The following TDRP variants were observed in gnomAD, a reference collection of about 807,000 sequenced individuals.
TDRP encodes testis development related protein.
Under a neutral mutation model 10.5 loss-of-function variants are expected in TDRP, and 12 were observed. The observed-to-expected ratio is 1.15, with a 90% CI of 0.73 to 1.86. The LOEUF (loss-of-function observed/expected upper bound fraction) is 1.86, where lower values mean the gene tolerates loss of function less well. Among genes scored for constraint, TDRP ranks in the 40% most tolerant of loss-of-function variants. The pLI is 0.00. For missense variants in TDRP, 353 were observed against 229.2 expected (o/e 1.54, Z -3.49); for synonymous variants, 139 against 95.4 (o/e 1.46, Z -2.67).
intron 1 of TDRP, among the ~76,000 whole-genome samples, chr8:528,821 A>ATGTGTGTATATATG (rs201646249): frequency 6.6e-6 from 1 of 151,674 alleles, no homozygotes; most frequent in Non-Finnish European, 1.5e-5. Flanking sequence ...GTGTGTGTAT[A>ATGTGTGTATATATG]TGTGTGTATA....
intron 1 of TDRP, among the ~76,000 whole-genome samples, chr8:512,483 G>A (rs1437662992): frequency 2.6e-5 from 4 of 151,116 alleles, no homozygotes; most frequent in Admixed American, 2.6e-4. Flanking sequence ...AACTGACCAA[G>A]AAAAAAGAAG....
chr8:508,981 C>T (rs761211670), intron 1 of TDRP, among the ~76,000 whole-genome samples: 1 of 152,232 alleles, frequency 6.6e-6, no homozygotes, highest in African/African-American at 2.4e-5. Flanking sequence ...CCATGCAGGT[C>T]CAAAATCCAG....
At chr8:501,843 G>A (rs1379269488) in intron 1 of TDRP, among the ~76,000 whole-genome samples, 2 of 152,290 alleles carry the variant, frequency 1.3e-5, no homozygotes, top group South Asian at 2.1e-4. Flanking sequence ...CTGCAGTCAT[G>A]GGCCCAGAAA....
At chr8:542,584 G>C (rs531668466) in intron 1 of TDRP, among the ~76,000 whole-genome samples, 1 of 152,222 alleles carries the variant, frequency 6.6e-6, no homozygotes, top group African/African-American at 2.4e-5. Flanking sequence ...CAGATAACAG[G>C]CCAGGCGCGG....
rs1487157583 is a variant in TDRP, at chr8:492,256, T to A, written c.*143A>T. ...AGTCACAGTGTGTGTGAGAGTTCAT[T>A]AAATAAAGAAACAGAGGTCCAAATA... On this transcript the variant is annotated 3_prime_UTR_variant, in exon 3 of 3. Transcript: ENST00000324079. The A allele has an allele frequency of 7.5e-7, 1 of 1,334,206 alleles. No individual in the cohort carries two copies. The highest frequency in any genetic ancestry group is 1.5e-5 in the African/African-American group (1 of 67,258). 82.6% of individuals were successfully genotyped at this position (1,334,206 alleles called of 1,614,324 possible).
chr8:537,769 T>A (rs1445144830), intron 1 of TDRP, among the ~76,000 whole-genome samples: 1 of 152,212 alleles, frequency 6.6e-6, no homozygotes, highest in Admixed American at 6.5e-5. Context: ...TAACTTCAGC[T>A]GTCACCTGAC....
At chr8:500,618 C>T (rs142843875) in intron 1 of TDRP, among the ~76,000 whole-genome samples, 3 of 152,300 alleles carry the variant, frequency 2.0e-5, no homozygotes, top group African/African-American at 7.2e-5. Context: ...GTGTCATTTG[C>T]GTTTTCTCCT....
At chr8:541,536 C>A (rs993702169) in intron 1 of TDRP, among the ~76,000 whole-genome samples, 3 of 152,162 alleles carry the variant, frequency 2.0e-5, no homozygotes, top group African/African-American at 7.2e-5. Flanking sequence ...CCAAAACATA[C>A]AAAGAACTCT....
upstream of TDRP, among the ~76,000 whole-genome samples, chr8:545,207 C>T (rs1308067983): frequency 6.9e-6 from 1 of 144,176 alleles, no homozygotes; most frequent in Non-Finnish European, 1.5e-5. Flanking sequence ...GAACGACGTC[C>T]TCACCCCAGG....
Position 492,540 on chromosome 8 carries a change from G to A in TDRP, c.417C>T (p.Asp139=), listed in dbSNP as rs369222047. Residue 139 remains aspartate (D), a synonymous_variant, in exon 3 of 3, where the codon GAC becomes GAT. Transcript: ENST00000324079. ...GHPSWSGWED[D]AKGSTKYTSL... ...TGGTGTACTTGGTCGAGCCCTTGGC[G>A]TCATCCTCCCAGCCTGACCAGGATG... 72 of 1,611,620 alleles carry A rather than the reference G, an allele frequency of 4.5e-5. No homozygotes were observed. In the African/African-American group the frequency reaches 7.2e-4, roughly 16 times the overall value.
intron 1 of TDRP, among the ~76,000 whole-genome samples, chr8:495,925 G>C (rs564396188): frequency 3.8e-4 from 58 of 152,310 alleles, no homozygotes; most frequent in African/African-American, 1.2e-3. Flanking sequence ...CCATAGGCCA[G>C]ACTCTCAACT....
chr8:542,727 G>A (rs576653800), intron 1 of TDRP, among the ~76,000 whole-genome samples: 1 of 152,106 alleles, frequency 6.6e-6, no homozygotes, highest in South Asian at 2.1e-4. Context: ...GCCAGGCGTG[G>A]TGACACATGC....
intron 1 of TDRP, among the ~76,000 whole-genome samples, chr8:529,487 T>C (rs994350107): frequency 1.3e-5 from 2 of 152,228 alleles, no homozygotes; most frequent in Middle Eastern, 3.2e-3. Context: ...TACTTTTATA[T>C]TGCTATTTAG....
chr8:495,271 G>A (rs1038890497), intron 1 of TDRP, among the ~76,000 whole-genome samples: 1 of 152,074 alleles, frequency 6.6e-6, no homozygotes, highest in Admixed American at 6.5e-5. Flanking sequence ...AAACACATAG[G>A]AGACTGACCT....
At chr8:509,416 G>T (rs1267151303) in intron 1 of TDRP, among the ~76,000 whole-genome samples, 2 of 152,184 alleles carry the variant, frequency 1.3e-5, no homozygotes, top group African/African-American at 2.4e-5. Context: ...CTAGCCAGAG[G>T]TTCTCAAACC....
At chr8:526,032 T>G (rs933995200) in intron 1 of TDRP, among the ~76,000 whole-genome samples, 1 of 152,218 alleles carries the variant, frequency 6.6e-6, no homozygotes, top group Admixed American at 6.5e-5. Flanking sequence ...CTTCACAGGT[T>G]GTATGTATTT....
At chr8:543,079 G>A (rs996812915) in intron 1 of TDRP, among the ~76,000 whole-genome samples, 12 of 152,106 alleles carry the variant, frequency 7.9e-5, no homozygotes, top group African/African-American at 2.4e-4. Context: ...AGGCTGAGGC[G>A]GGCGGATCAC....
chr8:514,554 T>C (rs137939708), intron 1 of TDRP, among the ~76,000 whole-genome samples: 10 of 152,124 alleles, frequency 6.6e-5, no homozygotes, highest in African/African-American at 2.4e-4. Context: ...GCCAAGTCTG[T>C]TGACCTCAGA....
rs1377279316 is a variant in TDRP at position 490,529 on chromosome 8, A to G, written c.*1870T>C. The G allele has an allele frequency of 6.6e-6, 1 of 150,802 alleles. No homozygotes were observed. Among genetic ancestry groups the G allele is most frequent in the Non-Finnish European group, 1.5e-5 (1 of 67,014 alleles). The allele number at this position is 150,802 out of a possible 1,614,324, so 9.3% of individuals were successfully genotyped here. A position where few individuals can be genotyped will look rare whatever the true frequency, so the allele number is the denominator to read the frequency against. On this transcript the variant is annotated 3_prime_UTR_variant, in exon 3 of 3. Coordinates refer to ENST00000324079, the MANE Select transcript of TDRP (RefSeq NM_001384899.1). ...CACACACGTGATTTCCAGAGTTTCA[A>G]ACACAGTGTTTACATTCCTGCGCAG...
Sources: gnomAD v4.1 joint callset for allele counts (sites outside exome capture counted in the v4.1 genomes callset) on GRCh38, gnomAD v4.1.1 for gene constraint, MANE v1.5 for transcripts, NCBI Gene and HGNC (gene_info 2026-07-23, HGNC 2026-07-21) for gene names.